Variants in MAGI1 observed in about 807,000 individuals in gnomAD.
The protein encoded by MAGI1 is membrane-associated guanylate kinase, WW and PDZ domain-containing protein 1.
Under a neutral mutation model 139.9 loss-of-function variants are expected in MAGI1, and 58 were observed. The observed-to-expected ratio is 0.41, with a 90% confidence interval of 0.34 to 0.52. MAGI1 has a LOEUF of 0.52. Ranked by LOEUF, MAGI1 falls within the 20% of genes least tolerant of loss-of-function variation. MAGI1 has a pLI of 0.12. For missense variants in MAGI1, 1,874 were observed against 1,901.6 expected (o/e 0.99, Z 0.27); for synonymous variants, 812 against 737.9 (o/e 1.10, Z -1.63).
intron 1 of MAGI1, among the ~76,000 whole-genome samples, chr3:65,987,471 G>A (rs1403960734): frequency 2.6e-5 from 4 of 152,170 alleles, no homozygotes; most frequent in East Asian, 3.9e-4. Context: ...GGGAGGCCAG[G>A]GTAGGAACTA....
chr3:65,861,675 A>T (rs1442601202), intron 1 of MAGI1, among the ~76,000 whole-genome samples: 1 of 152,072 alleles, frequency 6.6e-6, no homozygotes, highest in Non-Finnish European at 1.5e-5. Flanking sequence ...ACTTGACCTC[A>T]GTCATAATGG....
At chr3:65,516,872 C>T (rs1470438099) in intron 2 of MAGI1, among the ~76,000 whole-genome samples, 4 of 140,314 alleles carry the variant, frequency 2.9e-5, no homozygotes, top group Non-Finnish European at 4.7e-5. Context: ...GGACTACAGG[C>T]GCCCGCCACT....
chr3:65,877,658 C>G (rs1407574401), intron 1 of MAGI1, among the ~76,000 whole-genome samples: 2 of 152,152 alleles, frequency 1.3e-5, no homozygotes, highest in Non-Finnish European at 2.9e-5. Flanking sequence ...CAGGTTCAAG[C>G]AATTCTCCTG....
chr3:65,827,625 A>G (rs1325839744), intron 1 of MAGI1, among the ~76,000 whole-genome samples: 1 of 152,126 alleles, frequency 6.6e-6, no homozygotes, highest in African/African-American at 2.4e-5. Flanking sequence ...AGGATGGCTG[A>G]ATCAAAAGGG....
intron 22 of MAGI1, chr3:65,359,108 G>C (rs1940512573): frequency 6.2e-7 from 1 of 1,614,054 alleles, no homozygotes; most frequent in East Asian, 2.2e-5. Flanking sequence ...GCCTCCCCGA[G>C]CTTTTCATTT....
At chr3:65,442,926 G>A (rs1948444185) in intron 7 of MAGI1, 77 bp from the exon 8 acceptor site, 3 of 1,072,328 alleles carry the variant, frequency 2.8e-6, no homozygotes, top group Admixed American at 3.6e-5. Context: ...ACTGAGTTAG[G>A]CAAAAAGAGA....
At chr3:66,006,381 G>C (rs1442812475) in intron 1 of MAGI1, among the ~76,000 whole-genome samples, 1 of 152,124 alleles carries the variant, frequency 6.6e-6, no homozygotes. Context: ...AGTCTTAAAA[G>C]CTTCTCCTAA....
chr3:65,571,311 C>G lies in MAGI1; in HGVS notation c.430+50661G>C, dbSNP rs188482695. ...ATACAAATATATGATACAAATTTTT[C>G]CTCAAATTTTGTGTTTCAGAAAATG... On this transcript the variant is annotated intron_variant, in intron 2 of 22. Transcript: ENST00000402939. Among the ~76,000 whole-genome samples, 6 of 152,026 alleles carry G rather than the reference C, an allele frequency of 3.9e-5. No individual in the cohort carries two copies. The East Asian group carries it at 1.2e-3, about 29-fold the overall frequency.
chr3:65,457,858 G>A (rs1481251473), intron 5 of MAGI1, among the ~76,000 whole-genome samples: 1 of 151,940 alleles, frequency 6.6e-6, no homozygotes, highest in African/African-American at 2.4e-5. Context: ...ATTGACTACA[G>A]TCACCCTGCT....
At chr3:65,572,489 G>A (rs945251549) in intron 2 of MAGI1, among the ~76,000 whole-genome samples, 2 of 152,090 alleles carry the variant, frequency 1.3e-5, no homozygotes, top group African/African-American at 4.8e-5. Flanking sequence ...GTCCACTCCA[G>A]GGGAAGAAAG....
intron 2 of MAGI1, among the ~76,000 whole-genome samples, chr3:65,552,571 G>T (rs930342270): frequency 6.6e-6 from 1 of 152,074 alleles, no homozygotes; most frequent in African/African-American, 2.4e-5. Context: ...AAGACTATGG[G>T]TAAATGCAAC....
intron 1 of MAGI1, among the ~76,000 whole-genome samples, chr3:65,943,147 A>G (rs1217518477): frequency 6.6e-6 from 1 of 152,272 alleles, no homozygotes; most frequent in Admixed American, 6.5e-5. Context: ...TAATGTTTAC[A>G]GTTGCATTCG....
intron 2 of MAGI1, among the ~76,000 whole-genome samples, chr3:65,589,092 A>G (rs2081835074): frequency 6.6e-6 from 1 of 152,182 alleles, no homozygotes; most frequent in Non-Finnish European, 1.5e-5. Flanking sequence ...TAAACAGTTT[A>G]CAGTATGCAT....
At chr3:65,600,250 C>A (rs1263348721) in intron 2 of MAGI1, among the ~76,000 whole-genome samples, 1 of 152,118 alleles carries the variant, frequency 6.6e-6, no homozygotes, top group Non-Finnish European at 1.5e-5. Flanking sequence ...AAAAGGCATT[C>A]TTTTTATGAG....
At chr3:65,715,564 G>A (rs537851673) in intron 1 of MAGI1, among the ~76,000 whole-genome samples, 2 of 152,112 alleles carry the variant, frequency 1.3e-5, no homozygotes, top group African/African-American at 2.4e-5. Flanking sequence ...TACTCCTAGG[G>A]GTCACGTGCA....
chr3:65,827,001 C>T (rs1167052339), intron 1 of MAGI1, among the ~76,000 whole-genome samples: 1 of 82,212 alleles, frequency 1.2e-5, no homozygotes, highest in East Asian at 1.9e-3. Flanking sequence ...ATCCCCCGGT[C>T]TGCTGCTCCA....
intron 1 of MAGI1, among the ~76,000 whole-genome samples, chr3:65,718,102 C>T (rs1335988174): frequency 6.6e-6 from 1 of 152,156 alleles, no homozygotes; most frequent in African/African-American, 2.4e-5. Flanking sequence ...TGGTCTGTGA[C>T]TCTAACTCCT....
At position 65,732,143 on chromosome 3, in the gene MAGI1, G is replaced by C. The variant is rs1468174821; in HGVS notation, c.314-110055C>G. Among the ~76,000 whole-genome samples, 4 of 152,282 alleles carry C rather than the reference G, an allele frequency of 2.6e-5. No individual in the cohort carries two copies. In the East Asian group the frequency reaches 5.8e-4, roughly 22 times the overall value. On this transcript the variant is annotated intron_variant, in intron 1 of 22. Coordinates refer to ENST00000402939, the MANE Select transcript of MAGI1 (RefSeq NM_001033057.2). Reference sequence around the variant, plus strand: ...GAATTCAGTCTCTGCATAAAGAAGAGGGCACCAACCTCAGAGAGATAACAG... The same window carrying C: ...GAATTCAGTCTCTGCATAAAGAAGACGGCACCAACCTCAGAGAGATAACAG...
chr3:66,026,043 T>A (rs948726223), intron 1 of MAGI1, among the ~76,000 whole-genome samples: 1 of 152,150 alleles, frequency 6.6e-6, no homozygotes, highest in African/African-American at 2.4e-5. Context: ...AAAGCTTTTT[T>A]TTTTTTAACA....
Sources: gnomAD v4.1 joint callset for allele counts (sites outside exome capture counted in the v4.1 genomes callset) on GRCh38, gnomAD v4.1.1 for gene constraint, MANE v1.5 for transcripts, NCBI Gene and HGNC (gene_info 2026-07-23, HGNC 2026-07-21) for gene names.